MICU3: variants seen among roughly 807,000 people sequenced by gnomAD.
MICU3 encodes the protein mitochondrial calcium uptake 3.
MICU3 carries 62 observed loss-of-function variants against 66.5 expected under a neutral mutation model. That is an observed-to-expected ratio of 0.93 (90% CI 0.76 to 1.15). The LOEUF (loss-of-function observed/expected upper bound fraction) is 1.15, where lower values mean the gene tolerates loss of function less well. Among genes scored for constraint, MICU3 ranks in the 50% most tolerant of loss-of-function variants. The pLI, the probability that MICU3 is intolerant of heterozygous loss-of-function variation, is 0.00. For synonymous variants in MICU3, 308 were observed against 240.7 expected (o/e 1.28, Z -2.59); for missense variants, 779 against 664.4 (o/e 1.17, Z -1.90).
chr8:17,130,491 C>A, the MICU3 span, among the ~76,000 whole-genome samples: 1 of 151,632 alleles, frequency 6.6e-6, no homozygotes, highest in Admixed American at 6.6e-5. Context: ...TGCACTGCAG[C>A]CTGGGAGCAA....
chr8:17,137,541 G>T, the MICU3 span, among the ~76,000 whole-genome samples: 9 of 150,252 alleles, frequency 6.0e-5, no homozygotes, highest in East Asian at 1.6e-3. Context: ...AAAAAAAAGG[G>T]GGCCCTGTAT....
chr8:17,069,800 A>G, intron 3 of MICU3, 81 bp downstream of exon 3: 2 of 456,430 alleles, frequency 4.4e-6, no homozygotes, highest in Non-Finnish European at 7.0e-6. Flanking sequence ...TATATTTCAT[A>G]AAATATATTA....
intron 1 of MICU3, among the ~76,000 whole-genome samples, chr8:17,039,759 A>T (rs1482738963): frequency 6.6e-6 from 1 of 152,134 alleles, no homozygotes; most frequent in East Asian, 1.9e-4. Context: ...TAAAGGAAAC[A>T]TTTGGGATCA....
At chr8:17,061,004 T>A (rs1014055561) in intron 1 of MICU3, among the ~76,000 whole-genome samples, 1 of 152,176 alleles carries the variant, frequency 6.6e-6, no homozygotes, top group Non-Finnish European at 1.5e-5. Context: ...TAAGATTTCT[T>A]TTCATACCCT....
At chr8:17,112,400 G>T (rs1260459015) in intron 11 of MICU3, among the ~76,000 whole-genome samples, 1 of 152,178 alleles carries the variant, frequency 6.6e-6, no homozygotes, top group African/African-American at 2.4e-5. Context: ...GATTCTGAGT[G>T]TGAGGATGGT....
chr8:17,118,924 A>G, intron 14 of MICU3, 149 bp downstream of exon 14: 1 of 491,588 alleles, frequency 2.0e-6, no homozygotes, highest in East Asian at 3.3e-5. Context: ...CTTGATTGAA[A>G]AATTTTACGT....
chr8:17,114,588 A>C (rs1412161331), intron 12 of MICU3, among the ~76,000 whole-genome samples: 12 of 152,154 alleles, frequency 7.9e-5, no homozygotes, highest in Admixed American at 7.9e-4. Flanking sequence ...GTTTTGCATA[A>C]TTTTCAAATA....
At chr8:17,046,823 G>A (rs1193711888) in intron 1 of MICU3, among the ~76,000 whole-genome samples, 3 of 152,100 alleles carry the variant, frequency 2.0e-5, no homozygotes, top group African/African-American at 7.2e-5. Flanking sequence ...GAGTAGAAAA[G>A]AAGACTCTTC....
At chr8:17,097,071 A>G (rs931311534) in intron 8 of MICU3, among the ~76,000 whole-genome samples, 1 of 151,370 alleles carries the variant, frequency 6.6e-6, no homozygotes, top group African/African-American at 2.4e-5. Flanking sequence ...CTCTTCTAAC[A>G]GTAGTGCACA....
intron 1 of MICU3, among the ~76,000 whole-genome samples, chr8:17,047,397 C>G (rs1815270119): frequency 1.3e-5 from 2 of 152,082 alleles, no homozygotes; most frequent in South Asian, 4.1e-4. Context: ...CAAAATTCAT[C>G]TATTAGGGGT....
At chr8:17,043,214 C>T (rs897235623) in intron 1 of MICU3, among the ~76,000 whole-genome samples, 1 of 152,130 alleles carries the variant, frequency 6.6e-6, no homozygotes, top group Non-Finnish European at 1.5e-5. Flanking sequence ...GCTGGGATTA[C>T]AGGCGTGAGC....
intron 7 of MICU3, among the ~76,000 whole-genome samples, chr8:17,088,464 G>C (rs1167759989): frequency 6.6e-6 from 1 of 151,832 alleles, no homozygotes; most frequent in Non-Finnish European, 1.5e-5. Flanking sequence ...TACTAAATGA[G>C]TAAACAGTTA....
At chr8:17,109,501 G>C (rs897957844) in intron 11 of MICU3, among the ~76,000 whole-genome samples, 2 of 151,928 alleles carry the variant, frequency 1.3e-5, no homozygotes, top group African/African-American at 4.8e-5. Flanking sequence ...GCTGAAGAGA[G>C]ATGAAAAAAA....
intron 1 of MICU3, among the ~76,000 whole-genome samples, chr8:17,058,435 T>C (rs560012885): frequency 1.3e-5 from 2 of 152,326 alleles, no homozygotes; most frequent in East Asian, 3.9e-4. Context: ...GTCCAGAACA[T>C]GAACGTGATA....
At chr8:17,050,292 A>C (rs967233157) in intron 1 of MICU3, among the ~76,000 whole-genome samples, 1 of 151,952 alleles carries the variant, frequency 6.6e-6, no homozygotes, top group Non-Finnish European at 1.5e-5. Context: ...GTGAATTTTA[A>C]AAATAATATG....
chr8:17,074,224 G>C (rs899485209), intron 3 of MICU3, among the ~76,000 whole-genome samples: 1 of 151,816 alleles, frequency 6.6e-6, no homozygotes, highest in East Asian at 1.9e-4. Context: ...TGGTAATGAT[G>C]CCATTGCTCT....
downstream of MICU3, among the ~76,000 whole-genome samples, chr8:17,126,978 A>G (rs1170792919): frequency 6.6e-6 from 1 of 152,210 alleles, no homozygotes; most frequent in Non-Finnish European, 1.5e-5. Context: ...TATTAATCTA[A>G]TTCAGTATGG....
In MICU3 at chr8:17,033,434, T is replaced by A. The variant is rs148945412; in HGVS notation, c.381+5774T>A. Among the ~76,000 whole-genome samples, 18 of 152,150 alleles carry A rather than the reference T, an allele frequency of 1.2e-4. No homozygotes were observed. The East Asian group carries it at 3.5e-3, about 29-fold the overall frequency. On this transcript the variant is annotated intron_variant, in intron 1 of 14. Coordinates refer to ENST00000318063, the MANE Select transcript of MICU3 (RefSeq NM_181723.3). ...GCTTAATCCAGATTAAGGCCTTAAT[T>A]ATCATCAATTTTTTTTTTTGAGACC...
chr8:17,038,994 A>C (rs1424435842), intron 1 of MICU3, among the ~76,000 whole-genome samples: 1 of 151,776 alleles, frequency 6.6e-6, no homozygotes, highest in East Asian at 1.9e-4. Flanking sequence ...AAATAAAAAT[A>C]AGAAATTGAC....
Sources: allele counts gnomAD v4.1 joint callset (sites outside exome capture counted in the v4.1 genomes callset), GRCh38; gene constraint gnomAD v4.1.1; transcripts MANE v1.5; gene names NCBI Gene and HGNC (gene_info 2026-07-23, HGNC 2026-07-21).